Variants in HS6ST2 observed in about 807,000 individuals in gnomAD.
HS6ST2 encodes the protein heparan sulfate 6-O-sulfotransferase 2.
In HS6ST2, 17 loss-of-function variants were observed where a neutral mutation model predicts 33.0. That is an observed-to-expected ratio of 0.52 (90% confidence interval 0.35 to 0.77). HS6ST2 has a LOEUF of 0.77. HS6ST2 is among the 30% of genes least tolerant of loss of function. The pLI is 0.01. For synonymous variants in HS6ST2, 248 were observed against 237.1 expected, an observed-to-expected ratio of 1.05 and a Z score of -0.42; for missense variants, 519 against 551.7, an observed-to-expected ratio of 0.94 and a Z score of 0.59.
intron 2 of HS6ST2, among the ~76,000 whole-genome samples, chrX:132,932,099 T>C (rs1281258861): frequency 9.5e-6 from 1 of 105,760 alleles, no homozygotes; most frequent in African/African-American, 3.5e-5. Context: ...GGCAGGAGAA[T>C]GGCGTGAACC....
chrX:132,682,971 G>T (rs1341898015), intron 3 of HS6ST2, among the ~76,000 whole-genome samples: 1 of 109,903 alleles, frequency 9.1e-6, no homozygotes, highest in African/African-American at 3.3e-5. Context: ...AAAATGATCC[G>T]GGCATGGTGG....
rs139481480 is a variant in HS6ST2 at position 132,651,027 on chromosome X, C to G, written c.1067+18086G>C. Among the ~76,000 whole-genome samples, 834 of 111,428 alleles carry G rather than the reference C, an allele frequency of 7.5e-3. 8 individuals are homozygous for G. The highest frequency in any genetic ancestry group is 0.024 in the African/African-American group (738 of 30,571). On this transcript the variant is annotated intron_variant, in intron 4 of 4. Coordinates refer to ENST00000370833, the MANE Select transcript of HS6ST2 (RefSeq NM_001394073.1). The stretch of plus-strand genomic sequence containing the variant: ...AAATTATCCTCCCACCTTGGCCTCC[C>G]AAAGTGTTGGAGTTCAGGCGTGAGC...
intron 2 of HS6ST2, among the ~76,000 whole-genome samples, chrX:132,873,078 G>T (rs772703407): frequency 1.5e-4 from 17 of 111,432 alleles, no homozygotes; most frequent in Non-Finnish European, 3.2e-4. Flanking sequence ...TCATAAAGAA[G>T]AGGAAAACGT....
intron 2 of HS6ST2, among the ~76,000 whole-genome samples, chrX:132,840,245 C>G (rs1029093101): frequency 1.8e-5 from 2 of 111,466 alleles, no homozygotes; most frequent in Admixed American, 1.9e-4. Flanking sequence ...GATATTATAC[C>G]CACAAAGATC....
chrX:132,744,105 T>C lies in HS6ST2; in HGVS notation c.948-35611A>G, dbSNP rs765703145. ...GCCTGGCCTGCAGCATTCTATTTTA[T>C]AAGAATCATCAATGCTACCATTTAT... On this transcript the variant is annotated intron_variant, in intron 2 of 4. Transcript: ENST00000370833. Among the ~76,000 whole-genome samples the C allele has an allele frequency of 3.6e-5, 4 of 112,107 alleles. No individual in the cohort carries two copies. The Admixed American group carries it at 3.8e-4, about 11-fold the overall frequency.
chrX:132,858,862 A>G (rs899763870), intron 2 of HS6ST2, among the ~76,000 whole-genome samples: 8 of 112,215 alleles, frequency 7.1e-5, no homozygotes, highest in Non-Finnish European at 1.5e-4. Context: ...GGAATATCAA[A>G]AGGTAACTTA....
At position 132,730,490 on chromosome X, in the gene HS6ST2, C is replaced by A. The variant is rs2064446249; in HGVS notation, c.948-21996G>T. Among the ~76,000 whole-genome samples, 6 of 112,406 alleles carry A rather than the reference C, an allele frequency of 5.3e-5. No individual in the cohort carries two copies. The Admixed American group carries it at 5.6e-4, about 11-fold the overall frequency. On this transcript the variant is annotated intron_variant, in intron 2 of 4. Coordinates refer to ENST00000370833, the MANE Select transcript of HS6ST2 (RefSeq NM_001394073.1). The stretch of plus-strand genomic sequence containing the variant: ...TAACCTGGCATCAGCTTCCCGAGAA[C>A]ATCTTGATAAGCAGCATGCAACCCA...
At chrX:132,681,374 A>T (rs754343629) in intron 3 of HS6ST2, among the ~76,000 whole-genome samples, 1 of 112,508 alleles carries the variant, frequency 8.9e-6, no homozygotes, top group East Asian at 2.8e-4. Flanking sequence ...GAAACAAAAA[A>T]TCCACCTTTG....
At chrX:132,672,408 T>C (rs941272194) in intron 3 of HS6ST2, among the ~76,000 whole-genome samples, 4 of 111,548 alleles carry the variant, frequency 3.6e-5, no homozygotes, top group Non-Finnish European at 7.5e-5. Flanking sequence ...TCTAGACTAC[T>C]TGTCAGCCCT....
At chrX:132,816,181 C>G (rs1320965237) in intron 2 of HS6ST2, among the ~76,000 whole-genome samples, 1 of 111,758 alleles carries the variant, frequency 8.9e-6, no homozygotes, top group Non-Finnish European at 1.9e-5. Context: ...TGAACTGGCA[C>G]TTCTAAAAGT....
chrX:132,928,408 C>A (rs1046682671), intron 2 of HS6ST2, among the ~76,000 whole-genome samples: 1 of 110,960 alleles, frequency 9.0e-6, no homozygotes, highest in Non-Finnish European at 1.9e-5. Context: ...CGCCCAGCTG[C>A]CACACACTTT....
rs1018770437 is a variant in HS6ST2 at position 132,848,862 on chromosome X, C to T, written c.947+107946G>A. Among the ~76,000 whole-genome samples, 17 of 111,652 alleles carry T rather than the reference C, an allele frequency of 1.5e-4. 1 individual carries two copies. The highest frequency in any genetic ancestry group is 1.1e-4 in the Non-Finnish European group (6 of 53,131). The stretch of plus-strand genomic sequence containing the variant: ...CCATGATTGGAAAGATGCATGCTTA[C>T]AGAGTCCTTGATCTTTCCTCACATA... On this transcript the variant is annotated intron_variant, in intron 2 of 4. Coordinates refer to ENST00000370833, the MANE Select transcript of HS6ST2 (RefSeq NM_001394073.1).
chrX:132,868,189 G>A (rs1002195007), intron 2 of HS6ST2, among the ~76,000 whole-genome samples: 2 of 111,486 alleles, frequency 1.8e-5, no homozygotes, highest in African/African-American at 3.3e-5. Flanking sequence ...GACAAAGAAG[G>A]GCATTACATA....
In HS6ST2 at chrX:132,724,792, T is replaced by C. The variant is rs145812205; in HGVS notation, c.948-16298A>G. ...TATAGCAACCAAAACAGCATGGCAC[T>C]GGCATAAAAACAGACAGGTCAATGG... is the stretch of plus-strand genomic sequence containing the variant. On this transcript the variant is annotated intron_variant, in intron 2 of 4. Transcript: ENST00000370833. Among the ~76,000 whole-genome samples the C allele has an allele frequency of 6.6e-3, 735 of 111,927 alleles. 4 individuals are homozygous for C. Among genetic ancestry groups the C allele is most frequent in the Middle Eastern group, 0.014 (3 of 216 alleles).
At chrX:132,765,995 G>A (rs898668256) in intron 2 of HS6ST2, among the ~76,000 whole-genome samples, 3 of 111,801 alleles carry the variant, frequency 2.7e-5, no homozygotes, top group Middle Eastern at 4.6e-3. Flanking sequence ...CTAAAGGTGT[G>A]GGCTGCATAT....
chrX:132,926,018 C>A (rs2066706932), intron 2 of HS6ST2, among the ~76,000 whole-genome samples: 1 of 111,706 alleles, frequency 9.0e-6, no homozygotes, highest in Admixed American at 9.5e-5. Context: ...CTGTGTGACT[C>A]CAGATCCTAG....
chrX:132,850,487 T>C (rs1312225608), intron 2 of HS6ST2, among the ~76,000 whole-genome samples: 1 of 111,226 alleles, frequency 9.0e-6, no homozygotes, highest in Non-Finnish European at 1.9e-5. Context: ...TTTGCAAATC[T>C]CAATTTCTTC....
In HS6ST2 at chrX:132,950,079, C is replaced by T. The variant is rs913785576; in HGVS notation, c.947+6729G>A. Among the ~76,000 whole-genome samples the T allele has an allele frequency of 8.1e-5, 9 of 111,646 alleles. No homozygotes were observed. The Admixed American group carries it at 8.6e-4, about 11-fold the overall frequency. On this transcript the variant is annotated intron_variant, in intron 2 of 4. Transcript: ENST00000370833. ...TTCAGATTGTTTCCAATTTGTTGCA[C>T]TTATGATAACTCCAGTTAGTCTCCT...
In HS6ST2 at chrX:132,684,953, C is replaced by T. The variant is rs1254458214; in HGVS notation, c.981-15754G>A. Among the ~76,000 whole-genome samples the T allele has an allele frequency of 9.0e-5, 10 of 111,727 alleles. No homozygotes were observed. The East Asian group carries it at 2.8e-3, about 31-fold the overall frequency. On this transcript the variant is annotated intron_variant, in intron 3 of 4. Transcript: ENST00000370833. ...CCTATTCCTGGGAACAGGGCATTGG[C>T]TCATCACCTAAACAATAAATTCAAT...
Sources: allele counts gnomAD v4.1 joint callset (sites outside exome capture counted in the v4.1 genomes callset), GRCh38; gene constraint gnomAD v4.1.1; transcripts MANE v1.5; gene names NCBI Gene and HGNC (gene_info 2026-07-23, HGNC 2026-07-21).